Variants in RBFOX1 observed in about 807,000 individuals in gnomAD.
RBFOX1 encodes RNA binding protein fox-1 homolog 1.
In RBFOX1, 8 loss-of-function variants were observed where a neutral mutation model predicts 57.7. That is an observed-to-expected ratio of 0.14 (90% CI 0.08 to 0.25). The LOEUF is 0.25. Ranked by LOEUF, RBFOX1 falls within the 10% of genes least tolerant of loss-of-function variation. The pLI is 1.00. For missense variants in RBFOX1, 611 were observed against 548.5 expected (o/e 1.11, Z -1.14); for synonymous variants, 326 against 222.4 (o/e 1.47, Z -4.15).
At chr16:6,668,204 C>A (rs1344643748) in intron 3 of RBFOX1, among the ~76,000 whole-genome samples, 3 of 152,116 alleles carry the variant, frequency 2.0e-5, no homozygotes, top group Admixed American at 6.5e-5. Flanking sequence ...TCTCTGGTGT[C>A]AAGTCATATT....
At chr16:6,615,166 A>T (rs531511916) in intron 2 of RBFOX1, among the ~76,000 whole-genome samples, 2 of 152,186 alleles carry the variant, frequency 1.3e-5, no homozygotes, top group East Asian at 3.8e-4. Context: ...TGGGTGGCCT[A>T]TTTTTCCCTC....
At chr16:5,297,831 C>T (rs2063705928) in intron 1 of RBFOX1, among the ~76,000 whole-genome samples, 1 of 152,208 alleles carries the variant, frequency 6.6e-6, no homozygotes. Flanking sequence ...ATATTTCAGT[C>T]ACATTATGAA....
At chr16:7,623,844 C>A (rs150178920) in intron 10 of RBFOX1, among the ~76,000 whole-genome samples, 121 of 152,276 alleles carry the variant, frequency 7.9e-4, no homozygotes, top group African/African-American at 2.8e-3. Context: ...CCTGTGTGTC[C>A]TCATCTCCTC....
chr16:6,320,366 G>A (rs1365105376), intron 2 of RBFOX1, among the ~76,000 whole-genome samples: 2 of 152,078 alleles, frequency 1.3e-5, no homozygotes, highest in East Asian at 1.9e-4. Flanking sequence ...TGTAAGTATT[G>A]GGTAGAGAGG....
intron 1 of RBFOX1, among the ~76,000 whole-genome samples, chr16:5,340,791 G>C (rs1180729145): frequency 6.6e-6 from 1 of 152,180 alleles, no homozygotes; most frequent in Non-Finnish European, 1.5e-5. Flanking sequence ...CATTAAGACA[G>C]ATCAATTTCC....
intron 3 of RBFOX1, among the ~76,000 whole-genome samples, chr16:6,828,779 C>T (rs182425650): frequency 6.6e-5 from 10 of 152,162 alleles, no homozygotes; most frequent in East Asian, 1.9e-4. Context: ...CCATGAATTC[C>T]GAGAATACCT....
intron 3 of RBFOX1, among the ~76,000 whole-genome samples, chr16:6,672,310 C>T (rs1391453555): frequency 6.6e-6 from 1 of 151,094 alleles, no homozygotes; most frequent in African/African-American, 2.4e-5. Flanking sequence ...ATAAAATAAC[C>T]ATACAAATAT....
intron 2 of RBFOX1, among the ~76,000 whole-genome samples, chr16:6,353,732 G>C (rs936560042): frequency 3.9e-5 from 6 of 152,080 alleles, no homozygotes; most frequent in African/African-American, 1.4e-4. Context: ...TGCTACACTG[G>C]TTTCCATAAA....
At chr16:7,335,062 C>A (rs1568267194) in intron 4 of RBFOX1, among the ~76,000 whole-genome samples, 2 of 152,142 alleles carry the variant, frequency 1.3e-5, no homozygotes, top group Admixed American at 1.3e-4. Context: ...TGAGACAGCC[C>A]ATGTTATTTA....
At chr16:5,633,526 C>T (rs376956871) in intron 3 of RBFOX1, among the ~76,000 whole-genome samples, 53 of 152,198 alleles carry the variant, frequency 3.5e-4, no homozygotes, top group African/African-American at 1.2e-3. Context: ...GACTGACATC[C>T]AGAATCTACA....
At chr16:7,051,287 G>A (rs544741005) in intron 3 of RBFOX1, among the ~76,000 whole-genome samples, 1 of 152,254 alleles carries the variant, frequency 6.6e-6, no homozygotes, top group African/African-American at 2.4e-5. Flanking sequence ...TGTGTCCTTA[G>A]CATAATCATG....
chr16:6,422,177 C>G (rs1229393441), intron 2 of RBFOX1, among the ~76,000 whole-genome samples: 1 of 151,710 alleles, frequency 6.6e-6, no homozygotes, highest in African/African-American at 2.4e-5. Flanking sequence ...CCACCTTGGC[C>G]TCCCAAAATG....
At chr16:7,358,699 C>T (rs558479642) in intron 4 of RBFOX1, among the ~76,000 whole-genome samples, 5 of 152,232 alleles carry the variant, frequency 3.3e-5, no homozygotes, top group African/African-American at 1.2e-4. Flanking sequence ...GGATTACAAG[C>T]GTGAACCACT....
At chr16:7,431,134 T>C (rs1315555914) in intron 4 of RBFOX1, 2 of 152,224 alleles carry the variant, frequency 1.3e-5, no homozygotes, top group African/African-American at 4.8e-5. Flanking sequence ...CTGTGTGCCA[T>C]GCACTGTGCT....
chr16:5,872,902 C>G (rs963345301), intron 4 of RBFOX1, among the ~76,000 whole-genome samples: 7 of 152,026 alleles, frequency 4.6e-5, no homozygotes, highest in Admixed American at 3.9e-4. Context: ...CCTGTAATCC[C>G]AGCACTTTGG....
At chr16:5,591,425 G>A (rs536144926) in intron 2 of RBFOX1, among the ~76,000 whole-genome samples, 7 of 152,068 alleles carry the variant, frequency 4.6e-5, no homozygotes, top group African/African-American at 1.7e-4. Context: ...TTAATTTTGT[G>A]TTTTTAGTAG....
intron 4 of RBFOX1, among the ~76,000 whole-genome samples, chr16:7,118,491 G>T (rs892241421): frequency 1.3e-5 from 2 of 152,116 alleles, no homozygotes; most frequent in East Asian, 1.9e-4. Context: ...ATGCAATTCA[G>T]TTGACAGGTA....
intron 4 of RBFOX1, among the ~76,000 whole-genome samples, chr16:7,233,201 T>C (rs1220680992): frequency 1.4e-5 from 2 of 147,410 alleles, no homozygotes; most frequent in Admixed American, 7.0e-5. Flanking sequence ...CTGCCAACCT[T>C]GCTAAACTCA....
At position 6,303,272 on chromosome 16, in the gene RBFOX1, C is replaced by G. The variant is rs552021925; in HGVS notation, c.-126-13723C>G. On this transcript the variant is annotated intron_variant, in intron 1 of 15. Transcript: ENST00000550418. ...CAGTGCCATTTTCGTTCTGAGACATCTTCCCGGGTCTGAATTAAATAAGAT... is the reference window on the plus strand; with the variant it reads ...CAGTGCCATTTTCGTTCTGAGACATGTTCCCGGGTCTGAATTAAATAAGAT... Among the ~76,000 whole-genome samples the G allele has an allele frequency of 1.6e-4, 24 of 152,232 alleles. 1 individual carries two copies. Among genetic ancestry groups the G allele is most frequent in the Admixed American group, 1.3e-3 (20 of 15,302 alleles).
Sources: allele counts gnomAD v4.1 joint callset (sites outside exome capture counted in the v4.1 genomes callset), GRCh38; gene constraint gnomAD v4.1.1; transcripts MANE v1.5; gene names NCBI Gene and HGNC (gene_info 2026-07-23, HGNC 2026-07-21).